GRM7: variants seen among roughly 807,000 people sequenced by gnomAD.
GRM7 encodes metabotropic glutamate receptor 7.
In GRM7, 35 loss-of-function variants were observed where a neutral mutation model predicts 84.5. The observed-to-expected ratio is 0.41, with a 90% CI of 0.32 to 0.55. The LOEUF (loss-of-function observed/expected upper bound fraction) is 0.55, where lower values mean the gene tolerates loss of function less well. Among genes scored for constraint, GRM7 ranks in the 20% least tolerant of loss-of-function variants. The pLI is 0.19. For synonymous variants in GRM7, 487 were observed against 455.1 expected (o/e 1.07, Z -0.89); for missense variants, 1,003 against 1,194.6 (o/e 0.84, Z 2.36).
At chr3:7,672,745 C>T (rs948977237) in intron 8 of GRM7, among the ~76,000 whole-genome samples, 3 of 152,072 alleles carry the variant, frequency 2.0e-5, no homozygotes, top group Non-Finnish European at 2.9e-5. Flanking sequence ...GCTGGGACTA[C>T]AGGCGCCCGC....
chr3:7,357,246 G>A (rs145393522), intron 4 of GRM7, among the ~76,000 whole-genome samples: 11 of 151,680 alleles, frequency 7.3e-5, no homozygotes, highest in Admixed American at 2.6e-4. Context: ...AAACAAAAAA[G>A]TATTTTTTTT....
intron 4 of GRM7, among the ~76,000 whole-genome samples, chr3:7,394,118 C>T (rs971088143): frequency 8.5e-5 from 13 of 152,126 alleles, no homozygotes; most frequent in Admixed American, 8.5e-4. Flanking sequence ...CAAGTCCACA[C>T]AGCTATAAGA....
chr3:7,228,047 G>T (rs1174928912), intron 2 of GRM7, among the ~76,000 whole-genome samples: 2 of 152,164 alleles, frequency 1.3e-5, no homozygotes, highest in Non-Finnish European at 2.9e-5. Context: ...TAAGATGTCT[G>T]TGATTAGCTC....
chr3:6,886,658 A>G (rs1203421836), intron 1 of GRM7, among the ~76,000 whole-genome samples: 5 of 151,952 alleles, frequency 3.3e-5, no homozygotes, highest in Non-Finnish European at 5.9e-5. Context: ...TGTCTGATAT[A>G]TAGAATATTT....
At chr3:7,207,797 T>C (rs1470254236) in intron 2 of GRM7, among the ~76,000 whole-genome samples, 1 of 152,238 alleles carries the variant, frequency 6.6e-6, no homozygotes, top group Non-Finnish European at 1.5e-5. Context: ...ACTTTCAGAA[T>C]TATTTTACTT....
chr3:7,409,032 C>G (rs1396292249), intron 4 of GRM7, among the ~76,000 whole-genome samples: 2 of 152,172 alleles, frequency 1.3e-5, no homozygotes, highest in African/African-American at 2.4e-5. Flanking sequence ...GCAATTGGGT[C>G]TAGTTCTGGA....
intron 1 of GRM7, among the ~76,000 whole-genome samples, chr3:7,141,848 G>T (rs1407807414): frequency 6.6e-6 from 1 of 152,000 alleles, no homozygotes; most frequent in Non-Finnish European, 1.5e-5. Context: ...TTAATAAATG[G>T]TGCTAAATCA....
At position 7,676,675 on chromosome 3, in the gene GRM7, C is replaced by T. The variant is rs372166448; in HGVS notation, c.2452-3374C>T. ...TCTTGAATGCCTGACCTCAGGTGAT[C>T]TGCCCGCCTCGGCCTCCCAAAGTGC... is the stretch of plus-strand genomic sequence containing the variant. On this transcript the variant is annotated intron_variant, in intron 8 of 9. Coordinates refer to ENST00000357716, the MANE Select transcript of GRM7 (RefSeq NM_000844.4). Among the ~76,000 whole-genome samples the T allele has an allele frequency of 2.8e-3, 424 of 152,176 alleles. 7 individuals are homozygous for T. Among genetic ancestry groups the T allele is most frequent in the Middle Eastern group, 0.02 (6 of 294 alleles).
intron 9 of GRM7, among the ~76,000 whole-genome samples, chr3:7,717,109 C>T (rs1159428674): frequency 6.6e-6 from 1 of 152,018 alleles, no homozygotes; most frequent in Non-Finnish European, 1.5e-5. Context: ...GTCTTAATTT[C>T]TTCAAACTAG....
rs144896039 is a variant in GRM7 at position 7,527,034 on chromosome 3, T to G, written c.1516-51388T>G. ...GGCTCTTTTTAGTTCTATAAAAATTTTAGAATTCTTTTTTCTAATTCTATG... is the reference window on the plus strand; with the variant it reads ...GGCTCTTTTTAGTTCTATAAAAATTGTAGAATTCTTTTTTCTAATTCTATG... On this transcript the variant is annotated intron_variant, in intron 7 of 9. Transcript: ENST00000357716. Among the ~76,000 whole-genome samples, 25 of 152,204 alleles carry G rather than the reference T, an allele frequency of 1.6e-4. No homozygotes were observed. In the East Asian group the frequency reaches 4.4e-3, roughly 27 times the overall value.
At chr3:7,620,072 C>T (rs556709576) in intron 8 of GRM7, among the ~76,000 whole-genome samples, 14 of 152,076 alleles carry the variant, frequency 9.2e-5, no homozygotes, top group East Asian at 3.9e-4. Context: ...CTCTGGGGAA[C>T]GCTGAGTATT....
At chr3:7,279,606 T>C (rs1441669154) in intron 2 of GRM7, among the ~76,000 whole-genome samples, 1 of 152,080 alleles carries the variant, frequency 6.6e-6, no homozygotes, top group East Asian at 1.9e-4. Context: ...TCAATAAATG[T>C]GTGCAGGTAA....
At chr3:6,916,660 C>T (rs74672233) in intron 1 of GRM7, among the ~76,000 whole-genome samples, 1,788 of 152,044 alleles carry the variant, frequency 0.012, 29 homozygotes, top group African/African-American at 0.04. Flanking sequence ...GACACTAATC[C>T]CATTCATGAG....
chr3:7,137,625 C>T (rs1193633441), intron 1 of GRM7, among the ~76,000 whole-genome samples: 3 of 152,008 alleles, frequency 2.0e-5, no homozygotes, highest in African/African-American at 7.2e-5. Context: ...GAGAGAGATG[C>T]TTTCACAGCT....
chr3:7,524,413 T>A (rs1700713668), intron 7 of GRM7, among the ~76,000 whole-genome samples: 1 of 86,380 alleles, frequency 1.2e-5, no homozygotes. Flanking sequence ...CAAACAAATT[T>A]ACAAGAAAAA....
intron 1 of GRM7, among the ~76,000 whole-genome samples, chr3:7,025,904 A>G (rs1021087807): frequency 6.6e-6 from 1 of 152,294 alleles, no homozygotes. Context: ...CATCAGAAGT[A>G]ATGCAGCAAT....
chr3:7,595,992 A>G (rs536239112), intron 8 of GRM7, among the ~76,000 whole-genome samples: 1 of 152,340 alleles, frequency 6.6e-6, no homozygotes, highest in African/African-American at 2.4e-5. Context: ...AACAGACTCT[A>G]GGGGTGAAAG....
intron 8 of GRM7, among the ~76,000 whole-genome samples, chr3:7,583,635 A>G (rs1268696113): frequency 6.6e-6 from 1 of 152,212 alleles, no homozygotes; most frequent in East Asian, 1.9e-4. Context: ...CGTAAAGATT[A>G]ATCGACTTAA....
chr3:7,284,600 C>T (rs1474452837), intron 2 of GRM7, among the ~76,000 whole-genome samples: 2 of 151,988 alleles, frequency 1.3e-5, no homozygotes, highest in Non-Finnish European at 2.9e-5. Flanking sequence ...GGGTTTACTC[C>T]AAGCCATGAC....
Sources: allele counts gnomAD v4.1 joint callset (sites outside exome capture counted in the v4.1 genomes callset), GRCh38; gene constraint gnomAD v4.1.1; transcripts MANE v1.5; gene names NCBI Gene and HGNC (gene_info 2026-07-23, HGNC 2026-07-21).